NRXN3: variants seen among roughly 807,000 people sequenced by gnomAD.
The protein encoded by NRXN3 is neurexin 3.
Under a neutral mutation model 137.6 loss-of-function variants are expected in NRXN3, and 32 were observed. The ratio of observed to expected loss-of-function variants is 0.23; its 90% CI spans 0.18 to 0.31. NRXN3 has a LOEUF of 0.31. Among genes scored for constraint, NRXN3 ranks in the 10% least tolerant of loss-of-function variants. The probability of loss-of-function intolerance (pLI) is 1.00; values close to 1 mark genes in which losing one functional copy is unlikely to be tolerated. For missense variants in NRXN3, 1,574 were observed against 2,062.5 expected (o/e 0.76, Z 4.59); for synonymous variants, 798 against 784.5 (o/e 1.02, Z -0.29).
chr14:78,240,600 C>T (rs751579119), intron 1 of NRXN3, among the ~76,000 whole-genome samples: 17 of 152,204 alleles, frequency 1.1e-4, no homozygotes, highest in African/African-American at 4.1e-4. Flanking sequence ...CGTTAAAACC[C>T]ATTTCTCATT....
At chr14:79,072,262 C>T (rs1234467154) in intron 15 of NRXN3, 1 of 152,182 alleles carries the variant, frequency 6.6e-6, no homozygotes, top group Non-Finnish European at 1.5e-5. Context: ...CCAATATATG[C>T]TTCTGCAAGC....
intron 15 of NRXN3, among the ~76,000 whole-genome samples, chr14:79,184,536 T>C (rs2063294489): frequency 6.6e-6 from 1 of 152,180 alleles, no homozygotes; most frequent in Non-Finnish European, 1.5e-5. Context: ...TCACAAATTC[T>C]GGTCTCGTCA....
At chr14:79,227,009 C>T (rs907163274) in intron 15 of NRXN3, among the ~76,000 whole-genome samples, 4 of 151,786 alleles carry the variant, frequency 2.6e-5, no homozygotes, top group East Asian at 1.9e-4. Context: ...TTAGTAGAAA[C>T]GGGTTTCACC....
chr14:78,752,389 C>G (rs904776600), intron 8 of NRXN3, among the ~76,000 whole-genome samples: 4 of 152,192 alleles, frequency 2.6e-5, no homozygotes, highest in Non-Finnish European at 5.9e-5. Flanking sequence ...GCCCACCAGC[C>G]TGAGCACAGA....
At chr14:78,937,142 A>G (rs1460933076) in intron 10 of NRXN3, among the ~76,000 whole-genome samples, 1 of 150,930 alleles carries the variant, frequency 6.6e-6, no homozygotes, top group Non-Finnish European at 1.5e-5. Context: ...GAATCACTTG[A>G]ACCCAAGAGG....
chr14:78,228,157 C>CT (rs1156767557), intron 1 of NRXN3, among the ~76,000 whole-genome samples: 10,916 of 130,432 alleles, frequency 0.084, 553 homozygotes, highest in East Asian at 0.16. Context: ...AATTTTCTTT[C>CT]TTTTTTTTTT....
At chr14:78,962,736 C>T (rs916382051) in intron 11 of NRXN3, among the ~76,000 whole-genome samples, 1 of 151,048 alleles carries the variant, frequency 6.6e-6, no homozygotes, top group Non-Finnish European at 1.5e-5. Flanking sequence ...TTTTTTGAGA[C>T]GGACTCTTGC....
chr14:78,476,821 T>A (rs375050319), intron 4 of NRXN3, among the ~76,000 whole-genome samples: 1 of 152,218 alleles, frequency 6.6e-6, no homozygotes, highest in Non-Finnish European at 1.5e-5. Context: ...GCGTGTTGAT[T>A]CATGTAGTAA....
rs2067325225 is a variant in NRXN3, at chr14:78,243,959, C to G, written c.709+157C>G. Among the ~76,000 whole-genome samples, 1 of 152,170 alleles carries G rather than the reference C, an allele frequency of 6.6e-6. No homozygotes were observed. The highest frequency in any genetic ancestry group is 1.5e-5 in the Non-Finnish European group (1 of 68,032). Reference sequence around the variant, plus strand: ...GGAGGCAGTGGAAATCCTTTGCCTACTCTTAATGGAGAATCTGTCAGATCT... The same window carrying G: ...GGAGGCAGTGGAAATCCTTTGCCTAGTCTTAATGGAGAATCTGTCAGATCT... On this transcript the variant is annotated intron_variant, in intron 2 of 20. Coordinates refer to ENST00000335750, the MANE Select transcript of NRXN3 (RefSeq NM_001330195.2). This position sits in a 1 kb window ranked among gnomAD's most constrained non-coding sequence, Gnocchi z 4.2.
At chr14:78,522,133 A>G (rs938421134) in intron 4 of NRXN3, among the ~76,000 whole-genome samples, 2 of 152,210 alleles carry the variant, frequency 1.3e-5, no homozygotes, top group Non-Finnish European at 2.9e-5. Context: ...AAGGGATGGT[A>G]TGTTCAAAGC....
intron 16 of NRXN3, among the ~76,000 whole-genome samples, chr14:79,488,822 T>G (rs981397334): frequency 4.6e-5 from 7 of 152,178 alleles, no homozygotes; most frequent in African/African-American, 1.7e-4. Context: ...AGTATAAGAT[T>G]TTTAGAATGA....
chr14:78,278,552 A>AT (rs2073945124), intron 2 of NRXN3, 93 bp from the exon 3 acceptor site: 1 of 937,258 alleles, frequency 1.1e-6, no homozygotes, highest in Admixed American at 2.0e-5. Context: ...AGCACATTGC[A>AT]TTGTGTGTGT....
intron 16 of NRXN3, among the ~76,000 whole-genome samples, chr14:79,616,029 G>T (rs1199561820): frequency 2.0e-5 from 3 of 152,080 alleles, no homozygotes; most frequent in Non-Finnish European, 4.4e-5. Context: ...AGGATGAGTT[G>T]GGAATACAGA....
chr14:78,979,064 C>A (rs919304608), intron 14 of NRXN3, among the ~76,000 whole-genome samples: 3 of 152,080 alleles, frequency 2.0e-5, no homozygotes, highest in African/African-American at 7.2e-5. Flanking sequence ...CTGCCTTTTT[C>A]TTCTATTCAG....
At chr14:78,501,265 G>A (rs1241162080) in intron 4 of NRXN3, among the ~76,000 whole-genome samples, 1 of 152,128 alleles carries the variant, frequency 6.6e-6, no homozygotes, top group Admixed American at 6.5e-5. Context: ...GTCCCCTAAG[G>A]CTGCAGTCAT....
intron 16 of NRXN3, chr14:79,611,925 A>T (rs1302640758): frequency 2.6e-5 from 4 of 152,234 alleles, no homozygotes; most frequent in Non-Finnish European, 5.9e-5. Flanking sequence ...AATAAATAGT[A>T]CTGTTGTCAT....
At chr14:79,218,716 T>G (rs2153231180) in intron 15 of NRXN3, among the ~76,000 whole-genome samples, 1 of 152,300 alleles carries the variant, frequency 6.6e-6, no homozygotes, top group African/African-American at 2.4e-5. Flanking sequence ...AAGATTGGTT[T>G]ATTTGAGAAC....
chr14:79,370,863 G>T (rs780227028), intron 15 of NRXN3, among the ~76,000 whole-genome samples: 1 of 152,098 alleles, frequency 6.6e-6, no homozygotes, highest in Non-Finnish European at 1.5e-5. Context: ...AGTCTAATAT[G>T]TGCTAAGCCT....
intron 10 of NRXN3, among the ~76,000 whole-genome samples, chr14:78,938,998 A>C (rs1011218563): frequency 1.3e-5 from 2 of 151,306 alleles, no homozygotes; most frequent in Non-Finnish European, 2.9e-5. Flanking sequence ...GGCGCCCGCC[A>C]CCTCGCCCGG....
Sources: allele counts gnomAD v4.1 joint callset (sites outside exome capture counted in the v4.1 genomes callset), GRCh38; gene constraint gnomAD v4.1.1; non-coding constraint Gnocchi (gnomAD v3.1); transcripts MANE v1.5; gene names NCBI Gene and HGNC (gene_info 2026-07-23, HGNC 2026-07-21).